Variants in TTC39B observed in about 807,000 individuals in gnomAD.
The protein encoded by TTC39B is tetratricopeptide repeat domain 39B, also known as tetratricopeptide repeat protein 39B.
Under a neutral mutation model 96.6 loss-of-function variants are expected in TTC39B, and 92 were observed. That is an observed-to-expected ratio of 0.95 (90% CI 0.80 to 1.13). The LOEUF is 1.13. Ranked by LOEUF, TTC39B falls within the 50% of genes most tolerant of loss-of-function variation. The pLI is 0.00. For missense variants in TTC39B, 955 were observed against 809.3 expected, an observed-to-expected ratio of 1.18 and a Z score of -2.18; for synonymous variants, 367 against 299.4, an observed-to-expected ratio of 1.23 and a Z score of -2.33.
intron 8 of TTC39B, among the ~76,000 whole-genome samples, chr9:15,196,074 C>G (rs1052397933): frequency 3.3e-5 from 5 of 152,176 alleles, no homozygotes; most frequent in Non-Finnish European, 7.3e-5. Context: ...GCATGGTTTA[C>G]TAAATATTTT....
At chr9:15,304,205 T>C (rs1824685632) in intron 1 of TTC39B, among the ~76,000 whole-genome samples, 1 of 152,180 alleles carries the variant, frequency 6.6e-6, no homozygotes, top group African/African-American at 2.4e-5. Flanking sequence ...AGAGAGAAAG[T>C]CTTCCAACCA....
chr9:15,175,134 C>T, exon 19 of TTC39B: 1 of 1,598,870 alleles, frequency 6.3e-7, no homozygotes, highest in South Asian at 1.1e-5. Context: ...AGTAGCTTTT[C>T]ACTGAAAGAG....
intron 3 of TTC39B, among the ~76,000 whole-genome samples, chr9:15,217,427 TG>T (rs1820583668): frequency 6.6e-6 from 1 of 152,018 alleles, no homozygotes; most frequent in Admixed American, 6.6e-5. Flanking sequence ...ATACACAAAG[TG>T]GGAGCTCAGC....
intron 1 of TTC39B, among the ~76,000 whole-genome samples, chr9:15,298,753 TC>T (rs1443748669): frequency 6.6e-6 from 1 of 152,044 alleles, no homozygotes; most frequent in Non-Finnish European, 1.5e-5. Flanking sequence ...TCCCCTCTCA[TC>T]TATCTATATA....
At chr9:15,170,943 T>G (rs1324413158) in exon 20 of TTC39B, 2 of 152,208 alleles carry the variant, frequency 1.3e-5, no homozygotes, top group Admixed American at 6.5e-5. Context: ...AGTCATCTGT[T>G]CTTTAATCTT....
chr9:15,252,586 T>C (rs1165503602), intron 2 of TTC39B, among the ~76,000 whole-genome samples: 2 of 151,996 alleles, frequency 1.3e-5, no homozygotes, highest in Non-Finnish European at 2.9e-5. Flanking sequence ...AGGCACAGGT[T>C]GCAGTGAGCC....
At position 15,269,328 on chromosome 9, in the gene TTC39B, T is replaced by C. The variant is rs200548302; in HGVS notation, c.241-1380A>G. 2.0e-5 allele frequency among the ~76,000 whole-genome samples: 3 copies of C among 152,308 alleles called. No homozygotes were observed. In the East Asian group the frequency reaches 5.8e-4, roughly 29 times the overall value. ...ACATACACAGAAAAAACACCAGGGCTTCGCACCAGGGTTTGCTCAATAAAT... is the reference window on the plus strand; with the variant it reads ...ACATACACAGAAAAAACACCAGGGCCTCGCACCAGGGTTTGCTCAATAAAT... On this transcript the variant is annotated intron_variant, in intron 1 of 19. Coordinates refer to ENST00000512701, the Ensembl canonical transcript of TTC39B.
rs144297849 is a variant in TTC39B at position 15,190,025 on chromosome 9, T to C, written c.1106-233A>G. Among the ~76,000 whole-genome samples, 478 of 152,338 alleles carry C rather than the reference T, an allele frequency of 3.1e-3. 1 individual carries two copies. The highest frequency in any genetic ancestry group is 0.011 in the African/African-American group (450 of 41,582). On this transcript the variant is annotated intron_variant, in intron 11 of 19. Transcript: ENST00000512701. ...TAAGAATGCAGGTGGCTGTCTCAGA[T>C]TCCTAATTGGAATTTCTGGTTTTAA...
intron 1 of TTC39B, among the ~76,000 whole-genome samples, chr9:15,304,176 A>C (rs1334696051): frequency 6.6e-6 from 1 of 152,224 alleles, no homozygotes; most frequent in Non-Finnish European, 1.5e-5. Context: ...AACTAAAATG[A>C]CTTCAAGATC....
At chr9:15,218,232 C>T (rs1232806362) in intron 3 of TTC39B, among the ~76,000 whole-genome samples, 2 of 151,360 alleles carry the variant, frequency 1.3e-5, no homozygotes, top group African/African-American at 4.9e-5. Context: ...GCATAGCATC[C>T]CCCTCAAGTA....
intron 1 of TTC39B, among the ~76,000 whole-genome samples, chr9:15,288,718 AAG>A (rs1471252119): frequency 2.6e-5 from 4 of 152,236 alleles, no homozygotes; most frequent in Non-Finnish European, 5.9e-5. Context: ...GCAAGGTTAA[AAG>A]AGCGCACTGT....
rs1441846426 is a variant in TTC39B at position 15,191,187 on chromosome 9, T to C, written c.996+3A>G. The C allele has an allele frequency of 6.3e-7, 1 of 1,597,460 alleles. No individual in the cohort carries two copies. ...CAAAATTAACATAAAATTAAATTTG[T>C]ACCCTATTCCCAGAAAATCCAATAA... is the stretch of plus-strand genomic sequence containing the variant. On this transcript the variant is annotated splice_donor_region_variant and intron_variant, in intron 10 of 19. Transcript: ENST00000512701.
chr9:15,253,549 T>C (rs1184779168), intron 2 of TTC39B, among the ~76,000 whole-genome samples: 5 of 152,230 alleles, frequency 3.3e-5, no homozygotes, highest in African/African-American at 1.2e-4. Flanking sequence ...TAAACCTGTA[T>C]TATGTGAAAA....
At chr9:15,289,057 A>T (rs1249972402) in intron 1 of TTC39B, among the ~76,000 whole-genome samples, 1 of 152,224 alleles carries the variant, frequency 6.6e-6, no homozygotes, top group Non-Finnish European at 1.5e-5. Context: ...AATGTTCCTT[A>T]TCTACCCCAG....
intron 13 of TTC39B, 92 bp downstream of exon 13, chr9:15,189,482 G>T: frequency 7.2e-7 from 1 of 1,389,638 alleles, no homozygotes; most frequent in Non-Finnish European, 1.0e-6. Context: ...ATATAGCCAA[G>T]TTTACTTTTG....
At chr9:15,190,267 C>G (rs1030913759) in intron 11 of TTC39B, among the ~76,000 whole-genome samples, 34 of 152,072 alleles carry the variant, frequency 2.2e-4, no homozygotes, top group Non-Finnish European at 2.9e-5. Flanking sequence ...CAGATATGAA[C>G]TACTAGCTCT....
chr9:15,225,998 T>A, exon 3 of TTC39B: 1 of 1,613,756 alleles, frequency 6.2e-7, no homozygotes, highest in Non-Finnish European at 8.5e-7. Context: ...TGTTGCCATA[T>A]CTGAGTGAGA....
chr9:15,218,635 A>AAAAAAAAAATATATAT (rs374054306), intron 3 of TTC39B, among the ~76,000 whole-genome samples: 130 of 149,528 alleles, frequency 8.7e-4, no homozygotes, highest in African/African-American at 3.0e-3. Flanking sequence ...GTCTATTTTA[A>AAAAAAAAAATATATAT]ATATATATAT....
intron 2 of TTC39B, chr9:15,249,329 A>C (rs12338435): frequency 6.6e-6 from 1 of 152,210 alleles, no homozygotes; most frequent in East Asian, 1.9e-4. Flanking sequence ...ACTTTTTGGT[A>C]GCTCACATTT....
Sources: gnomAD v4.1 joint callset for allele counts (sites outside exome capture counted in the v4.1 genomes callset) on GRCh38, gnomAD v4.1.1 for gene constraint, MANE v1.5 for transcripts, NCBI Gene and HGNC (gene_info 2026-07-23, HGNC 2026-07-21) for gene names.